LHX3: variants seen among roughly 807,000 people sequenced by gnomAD.
The protein encoded by LHX3 is LIM homeobox 3.
In LHX3, 21 loss-of-function variants were observed where a neutral mutation model predicts 32.4. That is an observed-to-expected ratio of 0.65 (90% CI 0.46 to 0.93). The LOEUF (loss-of-function observed/expected upper bound fraction) is 0.93. Ranked by LOEUF, LHX3 falls within the 40% of genes least tolerant of loss-of-function variation. The pLI is 0.00. For missense variants in LHX3, 626 were observed against 560.0 expected (o/e 1.12, Z -1.19); for synonymous variants, 258 against 246.8 (o/e 1.05, Z -0.43).
chr9:136,198,939 G>C lies in LHX3; in HGVS notation c.575C>G (p.Ser192Cys), dbSNP rs769868614. 6.3e-7 allele frequency: 1 copy of C among 1,588,302 alleles called. No individual in the cohort carries two copies. The highest frequency in any genetic ancestry group is 8.5e-7 in the Non-Finnish European group (1 of 1,171,734). The change falls in exon 4 of 6, where the codon TCC becomes TGC. Residue 192 changes from serine to cysteine, a missense_variant. Coordinates refer to ENST00000371748, the MANE Select transcript of LHX3 (RefSeq NM_178138.6). Reference protein sequence around the residue: ...PARHVREQLSSETGLDMRVVQ... With the variant: ...PARHVREQLSCETGLDMRVVQ... ...CACGCGCATGTCCAGGCCCGTCTCGGACGAGAGCTGCTCGCGCACGTGGCG... is the reference window on the plus strand; with the variant it reads ...CACGCGCATGTCCAGGCCCGTCTCGCACGAGAGCTGCTCGCGCACGTGGCG...
rs752633527 is a variant in LHX3 at position 136,200,645 on chromosome 9, G to C, written c.188C>G (p.Thr63Arg). 6.2e-7 allele frequency: 1 copy of C among 1,613,608 alleles called. No individual in the cohort carries two copies. Among genetic ancestry groups the C allele is most frequent in the Admixed American group, 1.7e-5 (1 of 60,034 alleles). ...SKCLKCSDCHTPLAERCFSRG... is the reference protein window; with the variant it reads ...SKCLKCSDCHRPLAERCFSRG... ...GCTGAAGCAGCGCTCGGCCAGTGGC[G>C]TGTGGCAGTCGCTGCACTTGAGACA... Residue 63 changes from threonine (T) to arginine (R), a missense_variant, in exon 2 of 6, where the codon ACG becomes AGG. Transcript: ENST00000371748.
At chr9:136,198,098 G>A (rs1232173630) in intron 5 of LHX3, among the ~76,000 whole-genome samples, 5 of 152,198 alleles carry the variant, frequency 3.3e-5, no homozygotes, top group African/African-American at 1.2e-4. Context: ...TGAGTGAGTA[G>A]CCCGGGTCAC....
At chr9:136,198,123 G>C (rs1165012377) in intron 5 of LHX3, among the ~76,000 whole-genome samples, 1 of 152,192 alleles carries the variant, frequency 6.6e-6, no homozygotes, top group Non-Finnish European at 1.5e-5. Flanking sequence ...CAGCCCAAAA[G>C]AGAGTGTCTT....
In LHX3 at chr9:136,198,802, G is replaced by C; in HGVS notation, c.625C>G (p.Arg209Gly). ...TTCTTCAGCCTCTTCTCCTTGGCCC[G>C]GCGGTTCTGGAACCAAACCTGGGGG... ...RVVQVWFQNR[R>G]AKEKRLKKDA... Residue 209 changes from arginine to glycine, a missense_variant, in exon 5 of 6, where the codon CGG becomes GGG. Arg to Gly is a moderately radical substitution (Grantham distance 125, BLOSUM62 -2). Coordinates refer to ENST00000371748, the MANE Select transcript of LHX3 (RefSeq NM_178138.6). 3 of 1,609,030 alleles carry C rather than the reference G, an allele frequency of 1.9e-6. No individual in the cohort carries two copies. The highest frequency in any genetic ancestry group is 2.5e-6 in the Non-Finnish European group (3 of 1,179,046).
chr9:136,197,273 C>A lies in LHX3; in HGVS notation c.*52G>T. The A allele has an allele frequency of 6.3e-7, 1 of 1,598,846 alleles. No homozygotes were observed. Among genetic ancestry groups the A allele is most frequent in the Non-Finnish European group, 8.5e-7 (1 of 1,170,470 alleles). On this transcript the variant is annotated 3_prime_UTR_variant, in exon 6 of 6. Transcript: ENST00000371748. ...GGAAACCCCAGCAGCCCCGAGCCGC[C>A]CACCCAGGGGCAGCTCCCTCGTGTG...
At chr9:136,199,597 C>G in intron 3 of LHX3, 81 bp downstream of exon 3, 1 of 1,468,150 alleles carries the variant, frequency 6.8e-7, no homozygotes, top group Non-Finnish European at 9.5e-7. Context: ...GAGAGAATTT[C>G]CCCGGACGCC....
intron 1 of LHX3, among the ~76,000 whole-genome samples, chr9:136,202,521 G>C (rs925531619): frequency 6.6e-6 from 1 of 152,198 alleles, no homozygotes; most frequent in African/African-American, 2.4e-5. Context: ...ACCGACGGTC[G>C]GAGTTCAGCT....
In LHX3 at chr9:136,197,426, C is replaced by G; in HGVS notation, c.1093G>C (p.Gly365Arg). Residue 365 changes from glycine to arginine, a missense_variant, in exon 6 of 6, where the codon GGA (glycine) becomes CGA (arginine). Physicochemically the swap from Gly to Arg is moderately radical, Grantham distance 125. Transcript: ENST00000371748. ...PPPMRVLAGNGPSSDLSTGSS... is the reference protein window; with the variant it reads ...PPPMRVLAGNRPSSDLSTGSS... ...CCCGTGGATAGGTCAGAACTGGGTC[C>G]GTTCCCTGCCAGCACCCTCATGGGT... 1 of 1,599,786 alleles carries G rather than the reference C, an allele frequency of 6.3e-7. No individual in the cohort carries two copies. The highest frequency in any genetic ancestry group is 1.7e-4 in the Middle Eastern group (1 of 5,886).
At chr9:136,200,410 C>A (rs868620197) in intron 2 of LHX3, 172 bp downstream of exon 2, 1 of 713,716 alleles carries the variant, frequency 1.4e-6, no homozygotes, top group Admixed American at 2.2e-5. Flanking sequence ...CATGGAGAGG[C>A]CCCACCCTTA....
intron 5 of LHX3, 33 bp downstream of exon 5, chr9:136,198,619 T>G: frequency 6.6e-7 from 1 of 1,519,196 alleles, no homozygotes. Context: ...CGCGCGCTCG[T>G]CCCCCCCCGA....
At chr9:136,202,895 C>T in intron 1 of LHX3, 1 of 1,522,686 alleles carries the variant, frequency 6.6e-7, no homozygotes, top group Non-Finnish European at 8.8e-7. Flanking sequence ...CCCGGAAAGG[C>T]CTGAGGATCT....
intron 5 of LHX3, 29 bp downstream of exon 5, chr9:136,198,623 C>CA (rs774967039): frequency 6.4e-7 from 1 of 1,557,230 alleles, no homozygotes; most frequent in Non-Finnish European, 8.7e-7. Context: ...CGCTCGTCCC[C>CA]CCCCGAGCTC....
intron 3 of LHX3, 87 bp from the exon 4 acceptor site, chr9:136,199,146 G>T: frequency 2.7e-6 from 2 of 741,550 alleles, no homozygotes; most frequent in African/African-American, 1.9e-5. Context: ...GCGCGGGGAC[G>T]TCGGGGCCTC....
At chr9:136,200,815 C>A (rs1831623119) in intron 1 of LHX3, 62 bp from the exon 2 acceptor site, 6 of 1,589,060 alleles carry the variant, frequency 3.8e-6, no homozygotes, top group African/African-American at 1.3e-5. Context: ...GCCACCTTCC[C>A]ACCCCAACGC....
intron 1 of LHX3, among the ~76,000 whole-genome samples, chr9:136,200,979 A>G (rs1285492219): frequency 6.6e-6 from 1 of 152,342 alleles, no homozygotes; most frequent in Admixed American, 6.5e-5. Context: ...GGAAACTGAC[A>G]TCGGTCTAAA....
In LHX3 at chr9:136,197,552, C is replaced by G. The variant is rs965091161; in HGVS notation, c.967G>C (p.Ala323Pro). The change falls in exon 6 of 6, where the codon GCC becomes CCC. Residue 323 changes from alanine (A) to proline (P), a missense_variant. Ala to Pro is a conservative substitution (Grantham distance 27). Transcript: ENST00000371748. Reference protein sequence around the residue: ...SPYGVPPSPAAPQSLPGPQPL... With the variant: ...SPYGVPPSPAPPQSLPGPQPL... ...TGGGGGCCAGGGAGGCTCTGCGGGG[C>G]GGCGGGGGATGGGGGGACACCGTAG... The G allele has an allele frequency of 2.8e-5, 39 of 1,396,890 alleles. No homozygotes were observed. Among genetic ancestry groups the G allele is most frequent in the Non-Finnish European group, 3.1e-5 (32 of 1,031,636 alleles). 86.5% of individuals were successfully genotyped at this position (1,396,890 alleles called of 1,614,324 possible).
At chr9:136,200,291 G>C in intron 2 of LHX3, 1 of 553,996 alleles carries the variant, frequency 1.8e-6, no homozygotes, top group South Asian at 2.0e-5. Flanking sequence ...CTACAAATAG[G>C]GGTGTATCTT....
chr9:136,204,144 A>G (rs928502300), intron 1 of LHX3, among the ~76,000 whole-genome samples: 4 of 152,206 alleles, frequency 2.6e-5, no homozygotes, highest in Admixed American at 2.6e-4. Flanking sequence ...CACTCTGCCT[A>G]TGGCTTCTGG....
chr9:136,204,404 C>G (rs1354470548), intron 1 of LHX3, among the ~76,000 whole-genome samples: 2 of 151,566 alleles, frequency 1.3e-5, no homozygotes, highest in African/African-American at 4.8e-5. Flanking sequence ...CCGAAGCGAT[C>G]AGGGGTCGTG....
Sources: allele counts gnomAD v4.1 joint callset (sites outside exome capture counted in the v4.1 genomes callset), GRCh38; gene constraint gnomAD v4.1.1; transcripts MANE v1.5; gene names NCBI Gene and HGNC (gene_info 2026-07-23, HGNC 2026-07-21).